NAV3: variants seen among roughly 807,000 people sequenced by gnomAD.
NAV3 encodes neuron navigator 3.
Under a neutral mutation model 244.7 loss-of-function variants are expected in NAV3, and 87 were observed. That is an observed-to-expected ratio of 0.36 (90% confidence interval 0.30 to 0.42). The LOEUF (loss-of-function observed/expected upper bound fraction) is 0.42. NAV3 is among the 20% of genes least tolerant of loss of function. The probability of loss-of-function intolerance (pLI) is 1.00; values close to 1 mark genes in which losing one functional copy is unlikely to be tolerated. For synonymous variants in NAV3, 1,126 were observed against 1,042.2 expected, an observed-to-expected ratio of 1.08 and a Z score of -1.55; for missense variants, 2,663 against 2,893.3, an observed-to-expected ratio of 0.92 and a Z score of 1.83.
At chr12:78,031,009 T>A (rs947646619) in intron 9 of NAV3, among the ~76,000 whole-genome samples, 10 of 152,218 alleles carry the variant, frequency 6.6e-5, no homozygotes, top group African/African-American at 2.2e-4. Flanking sequence ...ATTGTTGAAC[T>A]TTTATTGCTC....
Position 78,005,407 on chromosome 12 carries a change from G to A in NAV3, c.881-1012G>A, listed in dbSNP as rs570682183. 2.6e-5 allele frequency among the ~76,000 whole-genome samples: 4 copies of A among 152,206 alleles called. No individual in the cohort carries two copies. The East Asian group carries it at 7.7e-4, about 29-fold the overall frequency. ...GAAACAGCCCTTTAAAACTGAAAAG[G>A]CCAACAGTTTTCAGAATTTGTGAGT... On this transcript the variant is annotated intron_variant, in intron 7 of 39. Coordinates refer to ENST00000397909, the MANE Select transcript of NAV3 (RefSeq NM_001024383.2).
rs115864525 is a variant in NAV3, at chr12:78,095,713, C to T, written c.2637-21059C>T. 3.8e-3 allele frequency among the ~76,000 whole-genome samples: 579 copies of T among 152,192 alleles called. 3 individuals are homozygous for T. Among genetic ancestry groups the T allele is most frequent in the African/African-American group, 0.013 (556 of 41,520 alleles). ...TGGAGGAAATAAAGATCCAGTTGAG[C>T]TTGTTGGCCAGTTGGATAGAGGTTG... is the stretch of plus-strand genomic sequence containing the variant. On this transcript the variant is annotated intron_variant, in intron 12 of 39. Coordinates refer to ENST00000397909, the MANE Select transcript of NAV3 (RefSeq NM_001024383.2).
intron 2 of NAV3, among the ~76,000 whole-genome samples, chr12:77,754,918 A>G (rs1454773416): frequency 6.6e-6 from 1 of 152,224 alleles, no homozygotes; most frequent in East Asian, 1.9e-4. Context: ...GATTTGTGAA[A>G]GAAGAAAATA....
intron 34 of NAV3, among the ~76,000 whole-genome samples, chr12:78,195,150 A>G (rs1010212220): frequency 6.6e-6 from 1 of 152,098 alleles, no homozygotes; most frequent in East Asian, 1.9e-4. Flanking sequence ...AAAGAAGCAA[A>G]CAAACATATC....
intron 2 of NAV3, among the ~76,000 whole-genome samples, chr12:77,663,466 G>A (rs181303237): frequency 2.0e-5 from 3 of 150,278 alleles, no homozygotes; most frequent in East Asian, 3.9e-4. Flanking sequence ...TAACTTTTTC[G>A]ACTATGAGTG....
At chr12:77,737,164 G>C (rs1415666202) in intron 2 of NAV3, among the ~76,000 whole-genome samples, 1 of 150,372 alleles carries the variant, frequency 6.7e-6, no homozygotes, top group Non-Finnish European at 1.5e-5. Flanking sequence ...TGATGTTTCT[G>C]TTGGTGTTCA....
intron 2 of NAV3, among the ~76,000 whole-genome samples, chr12:77,626,662 G>A (rs149352381): frequency 6.6e-6 from 1 of 151,808 alleles, no homozygotes; most frequent in Non-Finnish European, 1.5e-5. Flanking sequence ...GCTGCATAAA[G>A]AAGAAAAAAA....
At chr12:77,826,229 C>T (rs1007733815), upstream of NAV3, among the ~76,000 whole-genome samples, 1 of 152,156 alleles carries the variant, frequency 6.6e-6, no homozygotes, top group African/African-American at 2.4e-5. Flanking sequence ...TTTATAGGGA[C>T]AGGCAATGTA....
At chr12:77,857,380 G>A (rs989610850) in intron 1 of NAV3, among the ~76,000 whole-genome samples, 1 of 151,708 alleles carries the variant, frequency 6.6e-6, no homozygotes, top group Non-Finnish European at 1.5e-5. Flanking sequence ...TGTGATAATT[G>A]TAATTTTTCT....
At chr12:77,574,474 A>G (rs1434677132) in intron 2 of NAV3, among the ~76,000 whole-genome samples, 1 of 152,178 alleles carries the variant, frequency 6.6e-6, no homozygotes, top group Non-Finnish European at 1.5e-5. Flanking sequence ...AATCGCTAAT[A>G]GAGATTAGAA....
rs746787732 is a variant in NAV3, at chr12:78,185,694, C to A, written c.5786C>A (p.Ala1929Glu). The A allele has an allele frequency of 3.2e-5, 52 of 1,606,680 alleles. No individual in the cohort carries two copies. Among genetic ancestry groups the A allele is most frequent in the Non-Finnish European group, 3.6e-5 (42 of 1,176,280 alleles). The change falls in exon 31 of 40, where the codon GCA (alanine) becomes GAA (glutamate). Residue 1929 changes from alanine to glutamate, a missense_variant. Around this residue, in one of 6 missense-constraint regions of NAV3, gnomAD observed 543 missense variants for 672.4 expected, o/e 0.81. Transcript: ENST00000397909. ...IVSISKGYGR[A>E]KDQKSQAYLI... ...TCCATAAGCAAGGGCTATGGTCGAGCAAAGGTACTTCTTTAATCTTAAACT... is the reference window on the plus strand; with the variant it reads ...TCCATAAGCAAGGGCTATGGTCGAGAAAAGGTACTTCTTTAATCTTAAACT...
At chr12:77,779,462 T>G (rs1456903564) in intron 2 of NAV3, among the ~76,000 whole-genome samples, 1 of 152,210 alleles carries the variant, frequency 6.6e-6, no homozygotes, top group East Asian at 1.9e-4. Context: ...GCCACCATGT[T>G]GTACAACTCC....
intron 2 of NAV3, among the ~76,000 whole-genome samples, chr12:77,739,803 T>C (rs1868293658): frequency 6.6e-6 from 1 of 152,190 alleles, no homozygotes; most frequent in South Asian, 2.1e-4. Flanking sequence ...TGTCAGATGA[T>C]GGAAAATTCA....
intron 2 of NAV3, among the ~76,000 whole-genome samples, chr12:77,637,139 TAAA>T (rs909234265): frequency 6.6e-6 from 1 of 151,078 alleles, no homozygotes; most frequent in Non-Finnish European, 1.5e-5. Flanking sequence ...TAAAGTATAA[TAAA>T]AAAAGGAAAA....
chr12:77,706,242 A>C (rs1376535896), intron 2 of NAV3, among the ~76,000 whole-genome samples: 1 of 151,534 alleles, frequency 6.6e-6, no homozygotes, highest in Non-Finnish European at 1.5e-5. Flanking sequence ...AAACTAAATT[A>C]ACATTAATAG....
At chr12:77,778,991 T>G (rs1464568652) in intron 2 of NAV3, among the ~76,000 whole-genome samples, 2 of 152,228 alleles carry the variant, frequency 1.3e-5, no homozygotes, top group Non-Finnish European at 2.9e-5. Flanking sequence ...GAAAACACAT[T>G]AATGGAATTT....
intron 7 of NAV3, among the ~76,000 whole-genome samples, chr12:78,000,867 A>T (rs536156836): frequency 2.0e-5 from 3 of 148,814 alleles, no homozygotes; most frequent in Non-Finnish European, 3.0e-5. Flanking sequence ...AGTCCCAGCT[A>T]CTCAGGAGGC....
Position 78,021,771 on chromosome 12 carries a change from C to T in NAV3, c.1932C>T (p.Thr644=), listed in dbSNP as rs368619435. Residue 644 remains threonine, a synonymous_variant, in exon 9 of 40, where the codon ACC becomes ACT. Transcript: ENST00000397909. ...GGGCACATTCAGAAAATGAAGGTAC[C>T]GCTTTACCATCGGCTGACTCCTGTA... ...IYRAHSENEG[T]ALPSADSCTS... The T allele has an allele frequency of 4.1e-5, 66 of 1,607,174 alleles. No individual in the cohort carries two copies. The highest frequency in any genetic ancestry group is 1.8e-4 in the East Asian group (8 of 44,398).
At chr12:77,878,669 A>T (rs912098765) in intron 1 of NAV3, among the ~76,000 whole-genome samples, 2 of 126,334 alleles carry the variant, frequency 1.6e-5, no homozygotes, top group Non-Finnish European at 3.4e-5. Context: ...TTAAACTTCT[A>T]AAAAAAAAAA....
Sources: allele counts gnomAD v4.1 joint callset (sites outside exome capture counted in the v4.1 genomes callset), GRCh38; gene constraint gnomAD v4.1.1; regional missense constraint gnomAD v4.1.1; transcripts MANE v1.5; gene names NCBI Gene and HGNC (gene_info 2026-07-23, HGNC 2026-07-21).